Variants in ADGRL2 observed in about 807,000 individuals in gnomAD.
ADGRL2 encodes the protein adhesion G protein-coupled receptor L2.
ADGRL2 carries 44 observed loss-of-function variants against 157.4 expected under a neutral mutation model. That is an observed-to-expected ratio of 0.28 (90% CI 0.22 to 0.36). The LOEUF is 0.36. ADGRL2 is among the 10% of genes least tolerant of loss of function. ADGRL2 has a pLI of 1.00. For missense variants in ADGRL2, 1,510 were observed against 1,768.9 expected (o/e 0.85, Z 2.63); for synonymous variants, 585 against 624.7 (o/e 0.94, Z 0.95).
intron 3 of ADGRL2, among the ~76,000 whole-genome samples, chr1:81,626,290 C>T (rs1325210147): frequency 6.6e-6 from 1 of 152,092 alleles, no homozygotes; most frequent in Non-Finnish European, 1.5e-5. Flanking sequence ...TGAACTTTTG[C>T]TTTAATGAAC....
chr1:81,360,317 T>C (rs1297050148), intron 1 of ADGRL2, among the ~76,000 whole-genome samples: 1 of 151,966 alleles, frequency 6.6e-6, no homozygotes, highest in Non-Finnish European at 1.5e-5. Context: ...AATTCTAATA[T>C]TATTTCATCA....
intron 2 of ADGRL2, among the ~76,000 whole-genome samples, chr1:81,480,666 G>T (rs182214614): frequency 4.3e-4 from 66 of 152,212 alleles, no homozygotes; most frequent in African/African-American, 1.5e-3. Context: ...ATTTTCATAT[G>T]AGCTAGCATT....
At chr1:81,655,570 A>T (rs941375133) in intron 3 of ADGRL2, among the ~76,000 whole-genome samples, 1 of 151,946 alleles carries the variant, frequency 6.6e-6, no homozygotes, top group Non-Finnish European at 1.5e-5. Flanking sequence ...GGTACTTCAG[A>T]TTCATTTCTT....
intron 1 of ADGRL2, among the ~76,000 whole-genome samples, chr1:81,383,866 A>T (rs559540326): frequency 6.7e-6 from 1 of 149,948 alleles, no homozygotes; most frequent in African/African-American, 2.4e-5. Flanking sequence ...AGGCAGGAGA[A>T]TCACTCAAAC....
intron 2 of ADGRL2, among the ~76,000 whole-genome samples, chr1:81,470,229 C>T (rs141348459): frequency 2.2e-3 from 330 of 152,242 alleles, no homozygotes; most frequent in Middle Eastern, 0.014. Context: ...TTCTTTTGTT[C>T]AAGTTATGCA....
At chr1:81,576,167 G>T (rs1448028423) in intron 2 of ADGRL2, among the ~76,000 whole-genome samples, 1 of 152,056 alleles carries the variant, frequency 6.6e-6, no homozygotes, top group Non-Finnish European at 1.5e-5. Context: ...TGGATGAGGT[G>T]GGTATTTAGT....
chr1:81,366,913 A>G (rs930507187), intron 1 of ADGRL2, among the ~76,000 whole-genome samples: 2 of 152,106 alleles, frequency 1.3e-5, no homozygotes, highest in African/African-American at 4.8e-5. Context: ...GTGGATTATC[A>G]TGAGTTCTAC....
intron 3 of ADGRL2, among the ~76,000 whole-genome samples, chr1:81,917,953 T>C (rs1050096589): frequency 2.0e-5 from 3 of 152,166 alleles, no homozygotes; most frequent in African/African-American, 7.2e-5. Context: ...ATACATACAG[T>C]AAAAATTGGC....
intron 10 of ADGRL2, among the ~76,000 whole-genome samples, chr1:81,955,173 C>A (rs924320371): frequency 2.6e-5 from 4 of 152,140 alleles, no homozygotes; most frequent in Admixed American, 1.3e-4. Flanking sequence ...TTCCTGTTTT[C>A]TCTAACTTAT....
intron 2 of ADGRL2, among the ~76,000 whole-genome samples, chr1:81,495,153 G>A (rs1331571468): frequency 6.6e-6 from 1 of 152,008 alleles, no homozygotes; most frequent in African/African-American, 2.4e-5. Flanking sequence ...GAGGAATAAC[G>A]ATTCAGAGAA....
chr1:81,745,923 G>T (rs1201025357), intron 1 of ADGRL2, among the ~76,000 whole-genome samples: 1 of 152,144 alleles, frequency 6.6e-6, no homozygotes, highest in Non-Finnish European at 1.5e-5. Context: ...CCAAAAGAAT[G>T]AGTATTGCTA....
At chr1:81,379,332 C>G (rs1168177772) in intron 1 of ADGRL2, among the ~76,000 whole-genome samples, 1 of 152,156 alleles carries the variant, frequency 6.6e-6, no homozygotes, top group Non-Finnish European at 1.5e-5. Context: ...GCTCCTGAGG[C>G]CCCAGTGGGC....
intron 2 of ADGRL2, among the ~76,000 whole-genome samples, chr1:81,542,692 A>G (rs1184541587): frequency 1.3e-5 from 2 of 152,238 alleles, no homozygotes; most frequent in South Asian, 2.1e-4. Context: ...TATTTTGATT[A>G]TCAATTCAAT....
rs1198832771 is a variant in ADGRL2, at chr1:81,746,997, T to TAC, written c.-142-14813_-142-14812dup. 3.6e-4 allele frequency among the ~76,000 whole-genome samples: 52 copies of TAC among 143,378 alleles called. No individual in the cohort carries two copies. The Middle Eastern group carries it at 0.015, about 40-fold the overall frequency. The allele number at this position is 143,378 out of a possible 152,430, so 94.1% of individuals were successfully genotyped here. ...ATACACACGTGTGTATATACGTATA[T>TAC]ACGTGTATACACACGTATGTATACA... On this transcript the variant is annotated intron_variant, in intron 1 of 20. Coordinates refer to the ADGRL2 transcript ENST00000359929.
chr1:81,505,632 G>A (rs2078956933), intron 2 of ADGRL2, among the ~76,000 whole-genome samples: 1 of 150,302 alleles, frequency 6.7e-6, no homozygotes, highest in Admixed American at 6.6e-5. Flanking sequence ...ATCAGCCAGG[G>A]CAGCTCTGTC....
At chr1:81,527,334 A>G (rs1411622509) in intron 2 of ADGRL2, among the ~76,000 whole-genome samples, 1 of 152,116 alleles carries the variant, frequency 6.6e-6, no homozygotes, top group Non-Finnish European at 1.5e-5. Context: ...CTCCCCAATG[A>G]GATAATATTA....
At chr1:81,552,744 C>T (rs2080182193) in intron 2 of ADGRL2, among the ~76,000 whole-genome samples, 1 of 151,984 alleles carries the variant, frequency 6.6e-6, no homozygotes, top group East Asian at 1.9e-4. Flanking sequence ...GTAAGCAAAA[C>T]TAAAAGCATT....
At chr1:81,817,459 G>C (rs1209060069) in intron 1 of ADGRL2, among the ~76,000 whole-genome samples, 2 of 151,912 alleles carry the variant, frequency 1.3e-5, no homozygotes, top group African/African-American at 4.8e-5. Context: ...CTTTTTGTTA[G>C]TATATGTAAA....
At chr1:81,730,728 G>GA (rs35484703) in intron 1 of ADGRL2, among the ~76,000 whole-genome samples, 48 of 141,300 alleles carry the variant, frequency 3.4e-4, no homozygotes, top group South Asian at 2.0e-3. Context: ...ATCTCAAAAA[G>GA]AAAAAAAAAA....
Sources: allele counts gnomAD v4.1 joint callset (sites outside exome capture counted in the v4.1 genomes callset), GRCh38; gene constraint gnomAD v4.1.1; transcripts MANE v1.5; gene names NCBI Gene and HGNC (gene_info 2026-07-23, HGNC 2026-07-21).